The following ADAMTS18 variants were observed in gnomAD, a reference collection of about 807,000 sequenced individuals.
ADAMTS18 encodes the protein ADAM metallopeptidase with thrombospondin type 1 motif 18.
ADAMTS18 carries 157 observed loss-of-function variants against 165.9 expected under a neutral mutation model. The ratio of observed to expected loss-of-function variants is 0.95; its 90% CI spans 0.83 to 1.08. The LOEUF (loss-of-function observed/expected upper bound fraction) is 1.08. Ranked by LOEUF, ADAMTS18 falls within the 50% of genes least tolerant of loss-of-function variation. ADAMTS18 has a pLI of 0.00. For missense variants in ADAMTS18, 2,040 were observed against 1,534.0 expected (o/e 1.33, Z -5.51); for synonymous variants, 782 against 578.2 (o/e 1.35, Z -5.06).
chr16:77,393,203 G>A (rs1597217418), intron 3 of ADAMTS18, among the ~76,000 whole-genome samples: 1 of 152,172 alleles, frequency 6.6e-6, no homozygotes, highest in African/African-American at 2.4e-5. Context: ...GAGTGGCCAT[G>A]CTCTGCCTAG....
intron 4 of ADAMTS18, 48 bp downstream of exon 4, chr16:77,367,393 T>A (rs1401669916): frequency 1.2e-6 from 2 of 1,611,698 alleles, no homozygotes; most frequent in Non-Finnish European, 1.7e-6. Flanking sequence ...CAGGAAAACC[T>A]GTCGAGGCCC....
Position 77,333,937 on chromosome 16 carries a change from AATAT to A in ADAMTS18, c.1859+1815_1859+1818del, listed in dbSNP as rs879339335. ...CCTATATACTAAATATAAATACTGT[AATAT>A]ATAGTGTCATATATACTATATATAA... On this transcript the variant is annotated intron_variant, in intron 12 of 22. Coordinates refer to ENST00000282849, the MANE Select transcript of ADAMTS18 (RefSeq NM_199355.4). Among the ~76,000 whole-genome samples, 454 of 144,196 alleles carry A rather than the reference AATAT, an allele frequency of 3.1e-3. 2 individuals carry two copies. Among genetic ancestry groups the A allele is most frequent in the Non-Finnish European group, 5.3e-3 (352 of 66,852 alleles). 94.6% of individuals were successfully genotyped at this position (144,196 alleles called of 152,430 possible). A position where few individuals can be genotyped will look rare whatever the true frequency, so the allele number is the denominator to read the frequency against.
At chr16:77,304,774 CAT>C (rs1222052078) in intron 16 of ADAMTS18, among the ~76,000 whole-genome samples, 1 of 152,206 alleles carries the variant, frequency 6.6e-6, no homozygotes, top group Non-Finnish European at 1.5e-5. Context: ...TAAATTAACT[CAT>C]AAAATACATA....
intron 8 of ADAMTS18, among the ~76,000 whole-genome samples, chr16:77,358,934 CAA>C (rs1167805243): frequency 6.6e-6 from 1 of 152,122 alleles, no homozygotes; most frequent in Non-Finnish European, 1.5e-5. Context: ...GTACATGCAG[CAA>C]AAGTTTTTTT....
chr16:77,356,702 T>TTA (rs1258990659), intron 8 of ADAMTS18, among the ~76,000 whole-genome samples: 1 of 152,184 alleles, frequency 6.6e-6, no homozygotes, highest in Non-Finnish European at 1.5e-5. Flanking sequence ...TTCAGATGTA[T>TTA]TATATGAGAA....
intron 7 of ADAMTS18, among the ~76,000 whole-genome samples, chr16:77,360,974 T>C (rs1354967526): frequency 6.6e-6 from 1 of 152,044 alleles, no homozygotes; most frequent in Admixed American, 6.5e-5. Flanking sequence ...TAAACCCAGC[T>C]ACTCTGGAGG....
At chr16:77,382,915 G>A (rs538000080) in intron 3 of ADAMTS18, among the ~76,000 whole-genome samples, 1 of 152,088 alleles carries the variant, frequency 6.6e-6, no homozygotes, top group Non-Finnish European at 1.5e-5. Flanking sequence ...TGAATGTCTG[G>A]GAGGAGAAGA....
At chr16:77,333,952 A>G (rs1367749135) in intron 12 of ADAMTS18, among the ~76,000 whole-genome samples, 1 of 142,430 alleles carries the variant, frequency 7.0e-6, no homozygotes, top group Non-Finnish European at 1.5e-5. Context: ...ATAGTGTCAT[A>G]TATACTATAT....
At chr16:77,387,605 A>T (rs930079435) in intron 3 of ADAMTS18, among the ~76,000 whole-genome samples, 2 of 152,152 alleles carry the variant, frequency 1.3e-5, no homozygotes, top group Non-Finnish European at 2.9e-5. Context: ...TTCCACTGCC[A>T]TGTCTTTCTT....
At chr16:77,421,922 A>G (rs531430136) in intron 3 of ADAMTS18, among the ~76,000 whole-genome samples, 1 of 152,354 alleles carries the variant, frequency 6.6e-6, no homozygotes, top group Non-Finnish European at 1.5e-5. Flanking sequence ...TATACAAAAA[A>G]TAGATCTATG....
intron 21 of ADAMTS18, 155 bp from the exon 22 acceptor site, chr16:77,289,566 C>T (rs2055323942): frequency 7.2e-6 from 6 of 828,298 alleles, no homozygotes; most frequent in Non-Finnish European, 9.7e-6. Flanking sequence ...TCCACAGCAT[C>T]TATCCTAACA....
At chr16:77,399,570 G>A (rs1039565323) in intron 3 of ADAMTS18, among the ~76,000 whole-genome samples, 1 of 152,024 alleles carries the variant, frequency 6.6e-6, no homozygotes, top group Non-Finnish European at 1.5e-5. Context: ...CTAGTATTAG[G>A]GTTCTAGAAA....
chr16:77,354,053 T>A (rs2056594275), intron 9 of ADAMTS18, among the ~76,000 whole-genome samples, 167 bp from the exon 10 acceptor site: 1 of 152,180 alleles, frequency 6.6e-6, no homozygotes, highest in Admixed American at 6.6e-5. Context: ...GTGAGTCCTG[T>A]CTAAGAGGAT....
At chr16:77,310,335 G>A (rs2055757072) in intron 16 of ADAMTS18, among the ~76,000 whole-genome samples, 9 of 152,210 alleles carry the variant, frequency 5.9e-5, no homozygotes, top group Admixed American at 5.2e-4. Flanking sequence ...CATAGGGTTT[G>A]GGGGTGCTCT....
rs1461803658 is a variant in ADAMTS18, at chr16:77,431,448, G to C, written c.342C>G (p.Pro114=). ...TAAAGTGACTGCTCAAAATCGCCGAGGGCTTAAGTTCTAAGTGCAGTTCCT... is the reference window on the plus strand; with the variant it reads ...TAAAGTGACTGCTCAAAATCGCCGACGGCTTAAGTTCTAAGTGCAGTTCCT... ...FGQELHLELK[P]SAILSSHFIV... is the part of the protein sequence containing the mutation. Residue 114 remains proline, a synonymous_variant, in exon 3 of 23, where the codon CCC becomes CCG. Coordinates refer to ENST00000282849, the MANE Select transcript of ADAMTS18 (RefSeq NM_199355.4). The C allele has an allele frequency of 5.0e-6, 8 of 1,614,204 alleles. No homozygotes were observed. The highest frequency in any genetic ancestry group is 6.8e-6 in the Non-Finnish European group (8 of 1,180,048).
At chr16:77,323,218 C>G (rs2056034877) in intron 13 of ADAMTS18, among the ~76,000 whole-genome samples, 1 of 152,128 alleles carries the variant, frequency 6.6e-6, no homozygotes, top group Admixed American at 6.5e-5. Context: ...GCCAGGAATT[C>G]CAGATAACGT....
chr16:77,331,822 G>A (rs78220074), intron 12 of ADAMTS18, among the ~76,000 whole-genome samples: 5,731 of 152,216 alleles, frequency 0.038, 131 homozygotes, highest in African/African-American at 0.059. Flanking sequence ...TTTAGCCTGC[G>A]ATATTCGAAG....
At chr16:77,389,213 G>T (rs578080559) in intron 3 of ADAMTS18, among the ~76,000 whole-genome samples, 83 of 152,282 alleles carry the variant, frequency 5.5e-4, no homozygotes, top group African/African-American at 1.9e-3. Flanking sequence ...GCTGAAGCAG[G>T]AGTATCACTT....
chr16:77,340,064 C>G (rs1401035495), intron 11 of ADAMTS18, among the ~76,000 whole-genome samples: 6 of 151,984 alleles, frequency 3.9e-5, no homozygotes, highest in Admixed American at 3.9e-4. Flanking sequence ...CAAGATTCAG[C>G]TCTCATTTCA....
Sources: allele counts gnomAD v4.1 joint callset (sites outside exome capture counted in the v4.1 genomes callset), GRCh38; gene constraint gnomAD v4.1.1; transcripts MANE v1.5; gene names NCBI Gene and HGNC (gene_info 2026-07-23, HGNC 2026-07-21).